Variants in BTBD9 observed in about 807,000 individuals in gnomAD.
The protein encoded by BTBD9 is BTB domain containing 9.
In BTBD9, 49 loss-of-function variants were observed where a neutral mutation model predicts 64.3. That is an observed-to-expected ratio of 0.76 (90% confidence interval 0.61 to 0.97). BTBD9 has a LOEUF of 0.97. BTBD9 is among the 50% of genes least tolerant of loss of function. The probability of loss-of-function intolerance (pLI) is 0.00; values close to 1 mark genes in which losing one functional copy is unlikely to be tolerated. For synonymous variants in BTBD9, 260 were observed against 274.7 expected (o/e 0.95, Z 0.53); for missense variants, 598 against 762.1 (o/e 0.78, Z 2.53).
intron 7 of BTBD9, among the ~76,000 whole-genome samples, chr6:38,334,835 T>A (rs574964164): frequency 1.6e-4 from 25 of 151,684 alleles, no homozygotes; most frequent in Non-Finnish European, 3.5e-4. Context: ...CAGTAAAAAT[T>A]TTTTTCCCGG....
chr6:38,520,741 T>C (rs954910078), intron 6 of BTBD9, among the ~76,000 whole-genome samples: 1 of 151,968 alleles, frequency 6.6e-6, no homozygotes, highest in Non-Finnish European at 1.5e-5. Context: ...GAGACCAGCC[T>C]GGGCAACACA....
chr6:38,328,989 T>C (rs1048108900), intron 7 of BTBD9, among the ~76,000 whole-genome samples: 1 of 150,292 alleles, frequency 6.7e-6, no homozygotes, highest in African/African-American at 2.5e-5. Context: ...TGTGTGTGTG[T>C]GTGTGTGTGT....
At chr6:38,230,253 G>C (rs536519918) in intron 9 of BTBD9, among the ~76,000 whole-genome samples, 1 of 152,254 alleles carries the variant, frequency 6.6e-6, no homozygotes, top group South Asian at 2.1e-4. Flanking sequence ...CCAGCACTTT[G>C]GGAGGCCAAG....
In BTBD9 at chr6:38,282,662, C is replaced by G. The variant is rs9470853; in HGVS notation, c.1454+5610G>C. Among the ~76,000 whole-genome samples, 807 of 152,304 alleles carry G rather than the reference C, an allele frequency of 5.3e-3. 9 individuals carry two copies. The highest frequency in any genetic ancestry group is 0.017 in the African/African-American group (722 of 41,572). ...CCATGCTATCCCCTCCCTCCTGCTC[C>G]AGCCACACTGGCCTCCTAGCTGCTC... On this transcript the variant is annotated intron_variant, in intron 8 of 10. Transcript: ENST00000481247.
intron 9 of BTBD9, among the ~76,000 whole-genome samples, chr6:38,226,604 G>C (rs923238202): frequency 6.6e-6 from 1 of 152,242 alleles, no homozygotes; most frequent in Non-Finnish European, 1.5e-5. Context: ...AGTAGGCAAG[G>C]AGAAAGGTTA....
chr6:38,552,210 T>A (rs1404104101), intron 6 of BTBD9, among the ~76,000 whole-genome samples: 4 of 152,160 alleles, frequency 2.6e-5, no homozygotes, highest in African/African-American at 9.7e-5. Context: ...TATCTTGGGA[T>A]TTTCCTATCT....
intron 6 of BTBD9, among the ~76,000 whole-genome samples, chr6:38,507,925 C>A (rs1772608581): frequency 6.6e-6 from 1 of 151,452 alleles, no homozygotes; most frequent in Non-Finnish European, 1.5e-5. Context: ...GCTCCGCCTC[C>A]TAGGTTCACG....
chr6:38,286,597 G>C (rs560175639), intron 8 of BTBD9, among the ~76,000 whole-genome samples: 1 of 152,060 alleles, frequency 6.6e-6, no homozygotes, highest in Admixed American at 6.6e-5. Context: ...AAAAAGAAGA[G>C]AAGAGAAAAA....
chr6:38,260,380 T>A (rs1261019952), intron 8 of BTBD9, among the ~76,000 whole-genome samples: 1 of 152,244 alleles, frequency 6.6e-6, no homozygotes, highest in African/African-American at 2.4e-5. Flanking sequence ...GAGCTAGGTT[T>A]ATCATATTCC....
intron 9 of BTBD9, among the ~76,000 whole-genome samples, chr6:38,201,040 T>TA (rs199612571): frequency 0.025 from 3,639 of 147,084 alleles, 123 homozygotes; most frequent in African/African-American, 0.081. Context: ...AAAGTAAAAA[T>TA]AAAAAAAAAA....
intron 6 of BTBD9, chr6:38,504,483 T>C (rs1055050883): frequency 4.4e-5 from 20 of 454,004 alleles, no homozygotes; most frequent in African/African-American, 2.8e-4. Context: ...TTAGACCACA[T>C]CTCCTCTTAC....
At chr6:38,330,842 A>G (rs938135238) in intron 7 of BTBD9, among the ~76,000 whole-genome samples, 12 of 152,238 alleles carry the variant, frequency 7.9e-5, no homozygotes, top group African/African-American at 2.9e-4. Context: ...TTTAGAAATA[A>G]AAGTTAAACC....
At chr6:38,210,171 G>A (rs954817728) in intron 9 of BTBD9, among the ~76,000 whole-genome samples, 3 of 152,086 alleles carry the variant, frequency 2.0e-5, no homozygotes, top group East Asian at 1.9e-4. Flanking sequence ...TTCCCCTAAG[G>A]GGATGCAGTA....
chr6:38,428,794 A>C (rs533181660), intron 6 of BTBD9, among the ~76,000 whole-genome samples: 16 of 150,308 alleles, frequency 1.1e-4, no homozygotes, highest in African/African-American at 3.7e-4. Flanking sequence ...CTCACTGCAA[A>C]CTCTGCCTCC....
chr6:38,353,818 T>C (rs1764616527), intron 6 of BTBD9, among the ~76,000 whole-genome samples: 1 of 152,212 alleles, frequency 6.6e-6, no homozygotes. Context: ...AGAACAAATT[T>C]AAATTTGTTA....
chr6:38,532,829 C>A (rs1018426086), intron 6 of BTBD9, among the ~76,000 whole-genome samples: 1 of 151,758 alleles, frequency 6.6e-6, no homozygotes, highest in African/African-American at 2.4e-5. Flanking sequence ...AGCATATCCC[C>A]AGCTGTGGTG....
At chr6:38,472,387 GA>G (rs1451849074) in intron 6 of BTBD9, among the ~76,000 whole-genome samples, 1 of 152,140 alleles carries the variant, frequency 6.6e-6, no homozygotes, top group Non-Finnish European at 1.5e-5. Flanking sequence ...CAATAAGTTA[GA>G]AATATTTAAA....
intron 6 of BTBD9, among the ~76,000 whole-genome samples, chr6:38,388,665 G>A (rs1318035156): frequency 6.6e-6 from 1 of 152,166 alleles, no homozygotes; most frequent in East Asian, 1.9e-4. Flanking sequence ...CAAATGAACT[G>A]TGTTGAAAAT....
chr6:38,227,571 G>T (rs557230583), intron 9 of BTBD9, among the ~76,000 whole-genome samples: 7 of 152,316 alleles, frequency 4.6e-5, no homozygotes, highest in Non-Finnish European at 1.0e-4. Flanking sequence ...GGGCTGGCTG[G>T]CCACAGTGGC....
Sources: allele counts gnomAD v4.1 joint callset (sites outside exome capture counted in the v4.1 genomes callset), GRCh38; gene constraint gnomAD v4.1.1; transcripts MANE v1.5; gene names NCBI Gene and HGNC (gene_info 2026-07-23, HGNC 2026-07-21).